SETX: variants seen among roughly 807,000 people sequenced by gnomAD.
SETX encodes the protein helicase senataxin.
In SETX, 90 loss-of-function variants were observed where a neutral mutation model predicts 227.2. The ratio of observed to expected loss-of-function variants is 0.40; its 90% CI spans 0.33 to 0.47. The LOEUF (loss-of-function observed/expected upper bound fraction) is 0.47. Among genes scored for constraint, SETX ranks in the 20% least tolerant of loss-of-function variants. The probability of loss-of-function intolerance (pLI) is 0.91; values close to 1 mark genes in which losing one functional copy is unlikely to be tolerated. For synonymous variants in SETX, 1,210 were observed against 1,113.2 expected (o/e 1.09, Z -1.73); for missense variants, 3,052 against 3,181.5 (o/e 0.96, Z 0.98).
chr9:132,337,319 C>T (rs1244847420), intron 5 of SETX, among the ~76,000 whole-genome samples: 1 of 150,164 alleles, frequency 6.7e-6, no homozygotes, highest in Non-Finnish European at 1.5e-5. Flanking sequence ...AAAGAAAACA[C>T]AAAATGAGGA....
At chr9:132,338,764 ACT>A (rs1040261436) in intron 5 of SETX, among the ~76,000 whole-genome samples, 1 of 151,826 alleles carries the variant, frequency 6.6e-6, no homozygotes, top group Non-Finnish European at 1.5e-5. Flanking sequence ...TCAATTTTTT[ACT>A]TTATTTTTTT....
At chr9:132,334,536 A>G in intron 7 of SETX, 72 bp downstream of exon 7, 1 of 1,516,490 alleles carries the variant, frequency 6.6e-7, no homozygotes, top group East Asian at 2.3e-5. Context: ...CAATTCCTGC[A>G]GTGACACTAT....
chr9:132,315,927 T>G (rs974661673), intron 10 of SETX, among the ~76,000 whole-genome samples: 1 of 152,158 alleles, frequency 6.6e-6, no homozygotes, highest in African/African-American at 2.4e-5. Flanking sequence ...GGGGGGTGTG[T>G]GAGAGATTTA....
chr9:132,286,271 G>C, intron 18 of SETX, 152 bp downstream of exon 18: 1 of 625,654 alleles, frequency 1.6e-6, no homozygotes, highest in Non-Finnish European at 2.8e-6. Context: ...AGTGAGCTGA[G>C]ATCATGCCAC....
Position 132,326,790 on chromosome 9 carries a change from C to T in SETX, c.4808G>A (p.Ser1603Asn), listed in dbSNP as rs1273975326. Residue 1603 changes from serine to asparagine, a missense_variant, in exon 10 of 26, where the codon AGT (serine) becomes AAT (asparagine). Physicochemically the swap from Ser to Asn is conservative, Grantham distance 46. This residue lies in a region of SETX where 1,483 missense variants were observed against 1,312.0 expected (regional missense o/e 1.13). Coordinates refer to ENST00000224140, the MANE Select transcript of SETX (RefSeq NM_015046.7). ...RPTTKIFSSK[S>N]TSRIAGLSKS... ...AGAAAGACCAGCAATTCGTGAAGTA[C>T]TCTTTGAGCTAAAAATCTTAGTGGT... The T allele has an allele frequency of 3.7e-6, 6 of 1,614,218 alleles. No individual in the cohort carries two copies. The highest frequency in any genetic ancestry group is 5.1e-6 in the Non-Finnish European group (6 of 1,180,030).
At chr9:132,315,213 G>A (rs1003807621) in intron 10 of SETX, among the ~76,000 whole-genome samples, 3 of 152,082 alleles carry the variant, frequency 2.0e-5, no homozygotes, top group Non-Finnish European at 4.4e-5. Context: ...CACTGTGCCT[G>A]GCCAAAATAT....
chr9:132,274,293 C>CT (rs1843043786), intron 23 of SETX, among the ~76,000 whole-genome samples: 1 of 152,036 alleles, frequency 6.6e-6, no homozygotes, highest in Non-Finnish European at 1.5e-5. Flanking sequence ...AAAAATGAAT[C>CT]TGAGTGTTCT....
intron 23 of SETX, 98 bp from the exon 24 acceptor site, chr9:132,271,906 G>A (rs571136052): frequency 4.7e-5 from 46 of 971,082 alleles, no homozygotes; most frequent in Middle Eastern, 2.9e-4. Flanking sequence ...TTTTTGAGAC[G>A]GAGTCTCACT....
intron 6 of SETX, among the ~76,000 whole-genome samples, chr9:132,335,045 A>T (rs897501801): frequency 6.6e-6 from 1 of 151,340 alleles, no homozygotes; most frequent in African/African-American, 2.4e-5. Flanking sequence ...AAAAAAAATC[A>T]CTGCCATTTA....
At position 132,262,139 on chromosome 9, in the gene SETX, T is replaced by G. The variant is rs1842434313; in HGVS notation, c.*2100A>C. ...TACCATTAATTCTTGCAGAATCAGATCTGCTGAGTGGTGAACCAACAGGTG... is the reference window on the plus strand; with the variant it reads ...TACCATTAATTCTTGCAGAATCAGAGCTGCTGAGTGGTGAACCAACAGGTG... On this transcript the variant is annotated 3_prime_UTR_variant, in exon 26 of 26. Coordinates refer to ENST00000224140, the MANE Select transcript of SETX (RefSeq NM_015046.7). The G allele has an allele frequency of 6.6e-6, 1 of 152,230 alleles. No individual in the cohort carries two copies. The highest frequency in any genetic ancestry group is 6.5e-5 in the Admixed American group (1 of 15,286). The allele number at this position is 152,230 out of a possible 1,614,324, so 9.4% of individuals were successfully genotyped here. A position where few individuals can be genotyped will look rare whatever the true frequency, so the allele number is the denominator to read the frequency against.
At chr9:132,340,168 T>G (rs897195637) in intron 5 of SETX, among the ~76,000 whole-genome samples, 103 of 152,314 alleles carry the variant, frequency 6.8e-4, no homozygotes, top group Admixed American at 2.0e-3. Flanking sequence ...TTTTTCAATG[T>G]TACAACAACT....
At chr9:132,332,583 A>G (rs908357658) in intron 7 of SETX, among the ~76,000 whole-genome samples, 5 of 152,232 alleles carry the variant, frequency 3.3e-5, no homozygotes, top group Admixed American at 3.3e-4. Flanking sequence ...CAAAGTAGTT[A>G]GATGAAGACA....
chr9:132,302,695 A>C (rs1171582294), intron 11 of SETX, among the ~76,000 whole-genome samples: 11 of 150,900 alleles, frequency 7.3e-5, no homozygotes, highest in African/African-American at 2.7e-4. Context: ...AAAAAAAAAA[A>C]AAACCAGCAG....
intron 10 of SETX, among the ~76,000 whole-genome samples, chr9:132,321,653 T>C (rs1221228640): frequency 6.4e-5 from 1 of 15,714 alleles, no homozygotes; most frequent in Non-Finnish European, 1.9e-4. Context: ...CGATACTGTC[T>C]CAAAAAAAAA....
chr9:132,320,957 G>A (rs1415399786), intron 10 of SETX, among the ~76,000 whole-genome samples: 2 of 151,740 alleles, frequency 1.3e-5, no homozygotes, highest in African/African-American at 4.9e-5. Context: ...TGGCTGGAGG[G>A]CAACTGTTCC....
chr9:132,352,828 T>C (rs925182483), intron 2 of SETX, among the ~76,000 whole-genome samples: 2 of 152,242 alleles, frequency 1.3e-5, no homozygotes, highest in African/African-American at 2.4e-5. Flanking sequence ...TTATTTGTTC[T>C]ATATTCCCTT....
intron 17 of SETX, 36 bp downstream of exon 17, chr9:132,288,200 T>C (rs371685311): frequency 1.3e-6 from 2 of 1,551,708 alleles, no homozygotes; most frequent in African/African-American, 2.7e-5. Flanking sequence ...AACTAGTTCG[T>C]ATACCTGAGT....
Position 132,264,284 on chromosome 9 carries a change from T to C in SETX, c.7989A>G (p.Thr2663=). The C allele has an allele frequency of 6.2e-7, 1 of 1,614,232 alleles. No individual in the cohort carries two copies. The highest frequency in any genetic ancestry group is 8.5e-7 in the Non-Finnish European group (1 of 1,180,042). ...TGGAACTGCTGTCCTCCTGCTCCAG[T>C]GTCCTCTTGTCCCACCTAGAGTTCC... ...TRRNSRWDKR[T]LEQEDSSSKK... is the part of the protein sequence containing the mutation. The change falls in exon 26 of 26, where the codon ACA becomes ACG. Residue 2663 remains threonine (T), a synonymous_variant. Coordinates refer to ENST00000224140, the MANE Select transcript of SETX (RefSeq NM_015046.7).
chr9:132,327,090 G>A lies in SETX; in HGVS notation c.4508C>T (p.Pro1503Leu). The A allele has an allele frequency of 1.2e-6, 2 of 1,614,150 alleles. No homozygotes were observed. Among genetic ancestry groups the A allele is most frequent in the South Asian group, 1.1e-5 (1 of 91,084 alleles). ...TTGTGAACATAAATCCATATCTTCAGGATCATTTTGGGTTAAAAATAAGTT... is the reference window on the plus strand; with the variant it reads ...TTGTGAACATAAATCCATATCTTCAAGATCATTTTGGGTTAAAAATAAGTT... Reference protein sequence around the residue: ...EDNLFLTQNDPEDMDLCSQME... With the variant: ...EDNLFLTQNDLEDMDLCSQME... The change falls in exon 10 of 26, where the codon CCT becomes CTT. Residue 1503 changes from proline (P) to leucine (L), a missense_variant. Pro to Leu is a moderately conservative substitution (Grantham distance 98, BLOSUM62 -3). Transcript: ENST00000224140.
Sources: gnomAD v4.1 joint callset for allele counts (sites outside exome capture counted in the v4.1 genomes callset) on GRCh38, gnomAD v4.1.1 for gene constraint, gnomAD v4.1.1 regional missense constraint, MANE v1.5 for transcripts, NCBI Gene and HGNC (gene_info 2026-07-23, HGNC 2026-07-21) for gene names.